Variants in CCBE1 observed in about 807,000 individuals in gnomAD.
CCBE1 encodes collagen and calcium binding EGF domains 1.
A neutral mutation model predicts 50.0 loss-of-function variants in CCBE1; 37 were observed. The observed-to-expected ratio is 0.74, with a 90% CI of 0.57 to 0.97. The LOEUF (loss-of-function observed/expected upper bound fraction) is 0.97, where lower values mean the gene tolerates loss of function less well. Ranked by LOEUF, CCBE1 falls within the 50% of genes least tolerant of loss-of-function variation. The pLI is 0.00. For synonymous variants in CCBE1, 234 were observed against 203.7 expected (o/e 1.15, Z -1.27); for missense variants, 538 against 523.8 (o/e 1.03, Z -0.26).
At chr18:59,544,123 A>G (rs1002521467) in intron 2 of CCBE1, among the ~76,000 whole-genome samples, 1 of 152,206 alleles carries the variant, frequency 6.6e-6, no homozygotes, top group African/African-American at 2.4e-5. Flanking sequence ...AATTTATAAA[A>G]TATCTATCAG....
At chr18:59,446,306 C>CTA (rs1011537122) in intron 7 of CCBE1, among the ~76,000 whole-genome samples, 7 of 152,196 alleles carry the variant, frequency 4.6e-5, no homozygotes, top group African/African-American at 1.7e-4. Flanking sequence ...TTCTAGTGAT[C>CTA]TATAGCCTGG....
rs1489279224 is a variant in CCBE1 at position 59,431,295 on chromosome 18, G to A, written c.*4613C>T. 1 of 152,012 alleles carries A rather than the reference G, an allele frequency of 6.6e-6. No homozygotes were observed. The highest frequency in any genetic ancestry group is 2.4e-5 in the African/African-American group (1 of 41,412). The allele number at this position is 152,012 out of a possible 1,614,324, so 9.4% of individuals were successfully genotyped here. ...CCAAATGGAAAATTATTTTTGACTT[G>A]TTGTGAGATATAAATATTGACTATG... is the stretch of plus-strand genomic sequence containing the variant. On this transcript the variant is annotated 3_prime_UTR_variant, in exon 11 of 11. Transcript: ENST00000439986.
At chr18:59,461,704 G>T (rs1199896248) in intron 5 of CCBE1, among the ~76,000 whole-genome samples, 1 of 150,584 alleles carries the variant, frequency 6.6e-6, no homozygotes, top group Admixed American at 6.6e-5. Flanking sequence ...AGAGAAAGAG[G>T]AGAGGATTCC....
chr18:59,447,540 C>A lies in CCBE1; in HGVS notation c.775+443G>T, dbSNP rs183926463. ...AAAAATAAATATAGGTATAAATATGCGAACAAATAAGGAAAGGTGGAAGGA... is the reference window on the plus strand; with the variant it reads ...AAAAATAAATATAGGTATAAATATGAGAACAAATAAGGAAAGGTGGAAGGA... On this transcript the variant is annotated intron_variant, in intron 7 of 10. Transcript: ENST00000439986. Among the ~76,000 whole-genome samples, 14 of 151,902 alleles carry A rather than the reference C, an allele frequency of 9.2e-5. No individual in the cohort carries two copies. In the South Asian group the frequency reaches 1.0e-3, roughly 11 times the overall value.
chr18:59,661,822 C>T (rs995563975), intron 2 of CCBE1, among the ~76,000 whole-genome samples: 3 of 152,076 alleles, frequency 2.0e-5, no homozygotes, highest in Non-Finnish European at 2.9e-5. Context: ...CAAAAACTAG[C>T]GGGGCACAAT....
chr18:59,632,924 A>G (rs1310829867), intron 2 of CCBE1, among the ~76,000 whole-genome samples: 1 of 152,124 alleles, frequency 6.6e-6, no homozygotes, highest in Non-Finnish European at 1.5e-5. Flanking sequence ...CAATCTTCTA[A>G]AGCAGAAGGG....
chr18:59,601,069 T>C (rs2053425619), intron 2 of CCBE1, among the ~76,000 whole-genome samples: 1 of 137,620 alleles, frequency 7.3e-6, no homozygotes, highest in Non-Finnish European at 1.5e-5. Context: ...TCTCACTCTG[T>C]CTCCCAGGCT....
Position 59,559,903 on chromosome 18 carries a change from G to A in CCBE1, c.213-79665C>T, listed in dbSNP as rs149881136. Among the ~76,000 whole-genome samples, 910 of 152,266 alleles carry A rather than the reference G, an allele frequency of 6.0e-3. 6 individuals are homozygous for A. The highest frequency in any genetic ancestry group is 0.011 in the Non-Finnish European group (733 of 68,018). ...CTCTCTGTCATGGACTTGATGGACC[G>A]CTGGACAATGCAACCGGGACAGTCC... On this transcript the variant is annotated intron_variant, in intron 2 of 10. Coordinates refer to ENST00000439986, the MANE Select transcript of CCBE1 (RefSeq NM_133459.4).
chr18:59,680,279 A>G (rs957289787), intron 2 of CCBE1, among the ~76,000 whole-genome samples: 2 of 151,680 alleles, frequency 1.3e-5, no homozygotes, highest in Non-Finnish European at 2.9e-5. Context: ...CACTTATCTC[A>G]GGGAGCAGAG....
intron 2 of CCBE1, among the ~76,000 whole-genome samples, chr18:59,545,103 A>G (rs1915628626): frequency 6.6e-6 from 1 of 152,240 alleles, no homozygotes; most frequent in Non-Finnish European, 1.5e-5. Context: ...AATAAGCTGA[A>G]GAGAGCCTAG....
chr18:59,605,511 A>G (rs537253283), intron 2 of CCBE1, among the ~76,000 whole-genome samples: 210 of 152,324 alleles, frequency 1.4e-3, no homozygotes, highest in African/African-American at 4.9e-3. Flanking sequence ...CCAGGTGGAT[A>G]ACTCTTAGGT....
intron 2 of CCBE1, among the ~76,000 whole-genome samples, chr18:59,609,651 A>G (rs2053544630): frequency 6.6e-6 from 1 of 152,246 alleles, no homozygotes; most frequent in South Asian, 2.1e-4. Flanking sequence ...CTCTAAAAGT[A>G]TCTTTACTCA....
chr18:59,621,497 T>C (rs2053709658), intron 2 of CCBE1, among the ~76,000 whole-genome samples: 1 of 152,224 alleles, frequency 6.6e-6, no homozygotes. Flanking sequence ...AGCAGACATG[T>C]GGATAAATAA....
intron 7 of CCBE1, among the ~76,000 whole-genome samples, chr18:59,445,345 TCCTGG>T: frequency 6.6e-6 from 1 of 152,206 alleles, no homozygotes; most frequent in Non-Finnish European, 1.5e-5. Flanking sequence ...CCTCAGATAG[TCCTGG>T]ATACATAGTG....
chr18:59,454,846 C>A lies in CCBE1; in HGVS notation c.654+5G>T, dbSNP rs150596993. On this transcript the variant is annotated splice_donor_5th_base_variant and intron_variant, in intron 6 of 10. Coordinates refer to ENST00000439986, the MANE Select transcript of CCBE1 (RefSeq NM_133459.4). Reference sequence around the variant, plus strand: ...CATCATCGTTCCCACCCCAGCGGCACGTACCTTTTGCTTCAGCTGCAGCAC... The same window carrying A: ...CATCATCGTTCCCACCCCAGCGGCAAGTACCTTTTGCTTCAGCTGCAGCAC... The A allele has an allele frequency of 7.4e-6, 12 of 1,613,190 alleles. No homozygotes were observed. Among genetic ancestry groups the A allele is most frequent in the Non-Finnish European group, 1.0e-5 (12 of 1,179,220 alleles).
At chr18:59,538,608 G>A (rs1424375494) in intron 2 of CCBE1, among the ~76,000 whole-genome samples, 1 of 150,740 alleles carries the variant, frequency 6.6e-6, no homozygotes, top group East Asian at 1.9e-4. Context: ...ACATCCTGGG[G>A]AAAAAAAAAT....
At chr18:59,470,000 G>A (rs1911953583) in intron 3 of CCBE1, among the ~76,000 whole-genome samples, 2 of 152,164 alleles carry the variant, frequency 1.3e-5, no homozygotes, top group African/African-American at 4.8e-5. Flanking sequence ...AAGGCCAGCT[G>A]GGGTGACAGG....
At chr18:59,560,826 C>T (rs1042442770) in intron 2 of CCBE1, among the ~76,000 whole-genome samples, 3 of 152,176 alleles carry the variant, frequency 2.0e-5, no homozygotes, top group Non-Finnish European at 4.4e-5. Context: ...CGGACAGGGA[C>T]GGCACAGACA....
chr18:59,479,075 A>C (rs1912446155), intron 3 of CCBE1, among the ~76,000 whole-genome samples: 1 of 152,236 alleles, frequency 6.6e-6, no homozygotes. Flanking sequence ...ATGGTGCTCT[A>C]TGAGATAATG....
Sources: gnomAD v4.1 joint callset for allele counts (sites outside exome capture counted in the v4.1 genomes callset) on GRCh38, gnomAD v4.1.1 for gene constraint, MANE v1.5 for transcripts, NCBI Gene and HGNC (gene_info 2026-07-23, HGNC 2026-07-21) for gene names.